Variants in ANO10 observed in about 807,000 individuals in gnomAD.
The protein encoded by ANO10 is anoctamin-10.
In ANO10, 77 loss-of-function variants were observed where a neutral mutation model predicts 74.7. The observed-to-expected ratio is 1.03, with a 90% CI of 0.86 to 1.25. ANO10 has a LOEUF of 1.25. Ranked by LOEUF, ANO10 falls within the 50% of genes most tolerant of loss-of-function variation. The probability of loss-of-function intolerance (pLI) is 0.00; values close to 1 mark genes in which losing one functional copy is unlikely to be tolerated. For synonymous variants in ANO10, 279 were observed against 284.9 expected (o/e 0.98, Z 0.21); for missense variants, 721 against 778.1 (o/e 0.93, Z 0.87).
At chr3:43,367,135 G>A (rs967331669) in intron 12 of ANO10, among the ~76,000 whole-genome samples, 161 bp from the exon 13 acceptor site, 2 of 152,226 alleles carry the variant, frequency 1.3e-5, no homozygotes, top group Admixed American at 1.3e-4. Flanking sequence ...TGACTCTGAG[G>A]AGATGGGAGA....
intron 11 of ANO10, among the ~76,000 whole-genome samples, chr3:43,454,125 T>C (rs1193051172): frequency 6.6e-6 from 1 of 152,096 alleles, no homozygotes; most frequent in African/African-American, 2.4e-5. Flanking sequence ...GGCTTTCTTC[T>C]GGGGGAAAAG....
intron 1 of ANO10, among the ~76,000 whole-genome samples, chr3:43,668,279 T>C (rs1214108158): frequency 2.6e-5 from 4 of 152,058 alleles, no homozygotes; most frequent in African/African-American, 9.7e-5. Flanking sequence ...TTTTATGGGA[T>C]TGTTTTTTTT....
At chr3:43,436,467 GAGA>G (rs1482414987) in intron 11 of ANO10, among the ~76,000 whole-genome samples, 1 of 152,070 alleles carries the variant, frequency 6.6e-6, no homozygotes, top group Non-Finnish European at 1.5e-5. Context: ...CAAAGTAAAG[GAGA>G]AGAACAGTGA....
intron 1 of ANO10, among the ~76,000 whole-genome samples, chr3:43,619,980 A>G (rs1266425670): frequency 6.6e-6 from 1 of 152,164 alleles, no homozygotes; most frequent in Non-Finnish European, 1.5e-5. Flanking sequence ...CACACATGAC[A>G]TGAGATTTAT....
rs80214727 is a variant in ANO10 at position 43,534,892 on chromosome 3, T to A, written c.1797+14828A>T. 9.4e-3 allele frequency among the ~76,000 whole-genome samples: 1,424 copies of A among 152,244 alleles called. 20 individuals carry two copies. The highest frequency in any genetic ancestry group is 0.031 in the African/African-American group (1,298 of 41,534). ...TTGTTAGCAGCCCATGAACAAGAGA[T>A]GACTTGTACCAGAATGTAAATCAAC... On this transcript the variant is annotated intron_variant, in intron 11 of 12. Transcript: ENST00000292246.
intron 11 of ANO10, among the ~76,000 whole-genome samples, chr3:43,457,199 A>G (rs546916367): frequency 6.6e-6 from 1 of 152,370 alleles, no homozygotes; most frequent in East Asian, 1.9e-4. Flanking sequence ...AACTTGGCAC[A>G]CAAAATGCCT....
At chr3:43,688,784 T>C (rs1419466272) in intron 1 of ANO10, among the ~76,000 whole-genome samples, 3 of 148,748 alleles carry the variant, frequency 2.0e-5, no homozygotes, top group East Asian at 2.0e-4. Context: ...GTGCAGGTCA[T>C]AGAGAGCCAA....
rs956201427 is a variant in ANO10, at chr3:43,506,049, G to A, written c.1797+43671C>T. ...GTTTAAGATATAGTGTTCCTGCAAAGCTATAATTTGGAATAAGTACACTTT... is the reference window on the plus strand; with the variant it reads ...GTTTAAGATATAGTGTTCCTGCAAAACTATAATTTGGAATAAGTACACTTT... On this transcript the variant is annotated intron_variant, in intron 11 of 12. Transcript: ENST00000292246. Among the ~76,000 whole-genome samples the A allele has an allele frequency of 4.6e-5, 7 of 152,138 alleles. No homozygotes were observed. The East Asian group carries it at 1.3e-3, about 29-fold the overall frequency.
At chr3:43,568,166 G>C (rs1194830448) in intron 7 of ANO10, among the ~76,000 whole-genome samples, 1 of 152,092 alleles carries the variant, frequency 6.6e-6, no homozygotes, top group Non-Finnish European at 1.5e-5. Context: ...CAATACAGGA[G>C]CACCAAGATT....
At chr3:43,480,987 A>ATAATAATACAATTACTAATTGTG (rs767353417) in intron 11 of ANO10, among the ~76,000 whole-genome samples, 38 of 150,776 alleles carry the variant, frequency 2.5e-4, no homozygotes, top group Non-Finnish European at 5.1e-4. Flanking sequence ...TAATAATTGT[A>ATAATAATACAATTACTAATTGTG]TAATAATACA....
chr3:43,689,768 G>C (rs1016709009), intron 1 of ANO10, among the ~76,000 whole-genome samples: 2 of 152,190 alleles, frequency 1.3e-5, no homozygotes, highest in Non-Finnish European at 2.9e-5. Flanking sequence ...GAGAAAAAGA[G>C]GGAGGAGAGT....
intron 5 of ANO10, among the ~76,000 whole-genome samples, chr3:43,577,560 C>A (rs1041987291): frequency 6.6e-6 from 1 of 152,202 alleles, no homozygotes; most frequent in Non-Finnish European, 1.5e-5. Context: ...GAAAACTCAT[C>A]TTGTAGCTTA....
At chr3:43,498,361 C>A (rs185371311) in intron 11 of ANO10, among the ~76,000 whole-genome samples, 3 of 152,182 alleles carry the variant, frequency 2.0e-5, no homozygotes, top group African/African-American at 7.2e-5. Context: ...CCCTCCACCC[C>A]TGCAAAATCC....
At chr3:43,424,390 A>G (rs1275401132) in intron 12 of ANO10, 1 of 152,256 alleles carries the variant, frequency 6.6e-6, no homozygotes, top group Non-Finnish European at 1.5e-5. Flanking sequence ...TTCCTGAAAC[A>G]AACTCCTTTC....
rs1189017258 is a variant in ANO10 at position 43,600,505 on chromosome 3, A to C, written c.216T>G (p.Val72=). ...ETLENQNLYL[V]GASKIRMLLG... ...GTAACATTCTAATCTTGGAGGCACC[A>C]ACAAGATATAAGTTCTGATTTTCTA... The change falls in exon 3 of 13, where the codon GTT becomes GTG. Residue 72 remains valine, a synonymous_variant. Transcript: ENST00000292246. 5 of 1,613,778 alleles carry C rather than the reference A, an allele frequency of 3.1e-6. No individual in the cohort carries two copies. The highest frequency in any genetic ancestry group is 4.2e-6 in the Non-Finnish European group (5 of 1,179,664).
At chr3:43,648,076 CCTT>C (rs2083745636) in intron 1 of ANO10, among the ~76,000 whole-genome samples, 2 of 152,196 alleles carry the variant, frequency 1.3e-5, no homozygotes, top group South Asian at 4.1e-4. Flanking sequence ...GCCCAGGAGA[CCTT>C]CTCTTACCTA....
intron 12 of ANO10, among the ~76,000 whole-genome samples, chr3:43,408,724 C>T (rs938766528): frequency 2.0e-5 from 3 of 152,134 alleles, no homozygotes; most frequent in Non-Finnish European, 2.9e-5. Flanking sequence ...GGATAGAACA[C>T]TACAGTGTAA....
In ANO10 at chr3:43,432,611, C is replaced by G. The variant is rs767347601; in HGVS notation, c.1914G>C (p.Gln638His). ...ACATTTTCAGGACAGCTGCTCTCAC[C>G]TGCTGCTTGAGTGCCTCCAAAGACT... ...EFESLEALKQQQMKLVTENLK... is the reference protein window; with the variant it reads ...EFESLEALKQHQMKLVTENLK... The change falls in exon 12 of 13, where the codon CAG (glutamine) becomes CAC (histidine). Residue 638 changes from glutamine (Q) to histidine (H), a missense_variant and splice_region_variant. Coordinates refer to ENST00000292246, the MANE Select transcript of ANO10 (RefSeq NM_018075.5). 6.2e-7 allele frequency: 1 copy of G among 1,603,838 alleles called. No homozygotes were observed. Among genetic ancestry groups the G allele is most frequent in the Non-Finnish European group, 8.5e-7 (1 of 1,170,672 alleles).
intron 1 of ANO10, among the ~76,000 whole-genome samples, chr3:43,688,107 G>T (rs1219083891): frequency 6.6e-6 from 1 of 152,180 alleles, no homozygotes; most frequent in Non-Finnish European, 1.5e-5. Context: ...TGCACTGCTT[G>T]TCAGTTTCTG....
Sources: allele counts gnomAD v4.1 joint callset (sites outside exome capture counted in the v4.1 genomes callset), GRCh38; gene constraint gnomAD v4.1.1; transcripts MANE v1.5; gene names NCBI Gene and HGNC (gene_info 2026-07-23, HGNC 2026-07-21).